The following FRMD3 variants were observed in gnomAD, a reference collection of about 807,000 sequenced individuals.
FRMD3 encodes FERM domain containing 3.
A neutral mutation model predicts 70.2 loss-of-function variants in FRMD3; 33 were observed. That is an observed-to-expected ratio of 0.47 (90% CI 0.36 to 0.63). The LOEUF is 0.63. Ranked by LOEUF, FRMD3 falls within the 20% of genes least tolerant of loss-of-function variation. FRMD3 has a pLI of 0.00. For missense variants in FRMD3, 632 were observed against 711.4 expected, an observed-to-expected ratio of 0.89 and a Z score of 1.27; for synonymous variants, 279 against 255.9, an observed-to-expected ratio of 1.09 and a Z score of -0.86.
At chr9:83,414,559 G>A (rs1378516605) in intron 1 of FRMD3, among the ~76,000 whole-genome samples, 2 of 152,166 alleles carry the variant, frequency 1.3e-5, no homozygotes, top group African/African-American at 4.8e-5. Context: ...GCTACAAGCT[G>A]GGGAGAGATA....
At chr9:83,503,251 G>A (rs758547509) in intron 1 of FRMD3, among the ~76,000 whole-genome samples, 33 of 152,228 alleles carry the variant, frequency 2.2e-4, no homozygotes, top group Non-Finnish European at 3.8e-4. Context: ...TATCCTGGTG[G>A]GTCATATACC....
At chr9:83,283,301 C>T (rs1834043301) in intron 13 of FRMD3, among the ~76,000 whole-genome samples, 1 of 151,822 alleles carries the variant, frequency 6.6e-6, no homozygotes, top group African/African-American at 2.4e-5. Context: ...GAGGCCAAGG[C>T]GGGTGGATCA....
chr9:83,508,922 C>T (rs549408130), intron 1 of FRMD3, among the ~76,000 whole-genome samples: 63 of 152,214 alleles, frequency 4.1e-4, no homozygotes, highest in African/African-American at 1.4e-3. Context: ...GCTTGCCAAC[C>T]CCTGCTCCAA....
intron 6 of FRMD3, among the ~76,000 whole-genome samples, chr9:83,321,573 G>A (rs894374913): frequency 6.6e-6 from 1 of 152,072 alleles, no homozygotes; most frequent in African/African-American, 2.4e-5. Flanking sequence ...TAAAAAATTT[G>A]TTAAGACATT....
chr9:83,570,152 G>T, the FRMD3 span, among the ~76,000 whole-genome samples: 3 of 152,172 alleles, frequency 2.0e-5, no homozygotes, highest in African/African-American at 7.2e-5. Context: ...AGTATCTACT[G>T]TATGTCAGGC....
intron 3 of FRMD3, among the ~76,000 whole-genome samples, chr9:83,351,903 T>C (rs1474632006): frequency 6.6e-6 from 1 of 152,150 alleles, no homozygotes; most frequent in African/African-American, 2.4e-5. Context: ...GCCAACATGA[T>C]TGTATTATAT....
At position 83,311,984 on chromosome 9, in the gene FRMD3, AAAAAAAAAG is replaced by A; in HGVS notation, c.685-18_685-10del. ...GTTGTGCCTGTTGAATCCTGAAAAA[AAAAAAAAAG>A]AAAAAAGAAAAATCTGTTTAGATTG... On this transcript the variant is annotated splice_polypyrimidine_tract_variant and intron_variant, in intron 7 of 13. Transcript: ENST00000304195. The A allele has an allele frequency of 6.4e-7, 1 of 1,568,358 alleles. No individual in the cohort carries two copies. The highest frequency in any genetic ancestry group is 2.0e-5 in the Admixed American group (1 of 49,468).
chr9:83,369,729 TGAA>T (rs1245892842), intron 3 of FRMD3, among the ~76,000 whole-genome samples: 4 of 151,982 alleles, frequency 2.6e-5, no homozygotes, highest in Non-Finnish European at 5.9e-5. Context: ...AATAACAAGA[TGAA>T]GAAAAATATA....
chr9:83,382,064 A>C (rs1229282295), intron 2 of FRMD3, among the ~76,000 whole-genome samples: 2 of 152,188 alleles, frequency 1.3e-5, no homozygotes, highest in South Asian at 2.1e-4. Flanking sequence ...TAAAAAAAAA[A>C]CATGTATTAC....
At chr9:83,358,737 G>C (rs913226202) in intron 3 of FRMD3, among the ~76,000 whole-genome samples, 1 of 150,962 alleles carries the variant, frequency 6.6e-6, no homozygotes, top group Non-Finnish European at 1.5e-5. Flanking sequence ...AAGGGATTGA[G>C]TTCTTGATTT....
intron 3 of FRMD3, among the ~76,000 whole-genome samples, chr9:83,357,257 ATATATAT>A (rs1824412782): frequency 2.4e-5 from 1 of 41,010 alleles, no homozygotes; most frequent in African/African-American, 1.8e-4. Flanking sequence ...ATATATATAT[ATATATAT>A]ATATATATAT....
At chr9:83,327,217 T>A (rs77071932) in intron 6 of FRMD3, among the ~76,000 whole-genome samples, 404 of 152,296 alleles carry the variant, frequency 2.7e-3, no homozygotes, top group Non-Finnish European at 4.8e-3. Flanking sequence ...GTCTTCTACT[T>A]CTGAAAAACA....
chr9:83,537,940 G>A lies in FRMD3; in HGVS notation c.147+145C>T. 1.1e-6 allele frequency: 1 copy of A among 895,444 alleles called. No individual in the cohort carries two copies. The highest frequency in any genetic ancestry group is 1.7e-6 in the Non-Finnish European group (1 of 601,752). The allele number at this position is 895,444 out of a possible 1,614,324, so 55.5% of individuals were successfully genotyped here. ...GCCAGGATAAGGCCCCCCACCCTCA[G>A]AGGCCTGAGGAATCGAAATCTGGCT... On this transcript the variant is annotated intron_variant, in intron 1 of 13. Coordinates refer to ENST00000304195, the MANE Select transcript of FRMD3 (RefSeq NM_174938.6). This position sits in a 1 kb window ranked among gnomAD's most constrained non-coding sequence, Gnocchi z 4.1.
chr9:83,577,509 CA>C, the FRMD3 span, among the ~76,000 whole-genome samples: 4 of 151,948 alleles, frequency 2.6e-5, no homozygotes, highest in Non-Finnish European at 5.9e-5. Context: ...TCTATCTACA[CA>C]AAAATAAAGT....
At chr9:83,268,546 C>A (rs868313642) in intron 13 of FRMD3, among the ~76,000 whole-genome samples, 1 of 152,150 alleles carries the variant, frequency 6.6e-6, no homozygotes, top group South Asian at 2.1e-4. Flanking sequence ...AAATATTGCA[C>A]AGACATTAAA....
the FRMD3 span, among the ~76,000 whole-genome samples, chr9:83,583,241 T>C: frequency 4.6e-5 from 7 of 152,218 alleles, no homozygotes; most frequent in Non-Finnish European, 7.3e-5. Flanking sequence ...AAAAATAACA[T>C]GCTGACTACA....
Position 83,461,665 on chromosome 9 carries a change from C to CTTTTTTTT in FRMD3, c.148-71965_148-71958dup, listed in dbSNP as rs200147815. 1.4e-4 allele frequency among the ~76,000 whole-genome samples: 10 copies of CTTTTTTTT among 70,696 alleles called. 2 individuals are homozygous for CTTTTTTTT. Among genetic ancestry groups the CTTTTTTTT allele is most frequent in the South Asian group, 5.1e-4 (1 of 1,944 alleles). 46.4% of individuals were successfully genotyped at this position (70,696 alleles called of 152,430 possible). ...AATCTTAATTCCTTCAGGAATTTCC[C>CTTTTTTTT]TTTTTTTTTTTTTTTTTTTTTTTTT... On this transcript the variant is annotated intron_variant, in intron 1 of 13. Transcript: ENST00000304195.
chr9:83,453,689 C>T (rs1827732097), intron 1 of FRMD3, among the ~76,000 whole-genome samples: 1 of 150,490 alleles, frequency 6.6e-6, no homozygotes, highest in South Asian at 2.1e-4. Context: ...AATTAATTTC[C>T]ACCTGTTTCC....
intron 1 of FRMD3, among the ~76,000 whole-genome samples, chr9:83,516,685 C>T (rs759281006): frequency 5.9e-5 from 9 of 152,192 alleles, no homozygotes; most frequent in Admixed American, 5.2e-4. Context: ...CTCAGCACCA[C>T]ATAGCACTTA....
Sources: gnomAD v4.1 joint callset for allele counts (sites outside exome capture counted in the v4.1 genomes callset) on GRCh38, gnomAD v4.1.1 for gene constraint, Gnocchi (gnomAD v3.1) non-coding constraint, MANE v1.5 for transcripts, NCBI Gene and HGNC (gene_info 2026-07-23, HGNC 2026-07-21) for gene names.